The following COL15A1 variants were observed in gnomAD, a reference collection of about 807,000 sequenced individuals.
COL15A1 encodes collagen alpha-1(XV) chain.
COL15A1 carries 111 observed loss-of-function variants against 165.9 expected under a neutral mutation model. The observed-to-expected ratio is 0.67, with a 90% CI of 0.57 to 0.78. COL15A1 has a LOEUF of 0.78. Ranked by LOEUF, COL15A1 falls within the 30% of genes least tolerant of loss-of-function variation. The pLI is 0.00. For synonymous variants in COL15A1, 659 were observed against 674.8 expected (o/e 0.98, Z 0.36); for missense variants, 1,745 against 1,789.7 (o/e 0.98, Z 0.45).
intron 7 of COL15A1, among the ~76,000 whole-genome samples, chr9:99,002,729 C>T (rs1255033063): frequency 1.3e-5 from 2 of 152,178 alleles, no homozygotes; most frequent in Non-Finnish European, 2.9e-5. Flanking sequence ...GAAAAAGGGG[C>T]TCTGTGGTCA....
rs571106902 is a variant in COL15A1, at chr9:99,019,597, ACT to A, written c.1648-789_1648-788del. 6.7e-3 allele frequency among the ~76,000 whole-genome samples: 1,013 copies of A among 150,702 alleles called. 9 individuals are homozygous for A. The highest frequency in any genetic ancestry group is 0.041 in the Middle Eastern group (12 of 292). On this transcript the variant is annotated intron_variant, in intron 11 of 41. Transcript: ENST00000375001. ...CCAGGCATGCTATACTGCCATGGTG[ACT>A]CTAGGTCAGTTTGAATCTCAGAGTC...
chr9:99,022,136 C>T lies in COL15A1; in HGVS notation c.1747C>T (p.Pro583Ser). 1 of 1,614,128 alleles carries T rather than the reference C, an allele frequency of 6.2e-7. No homozygotes were observed. Among genetic ancestry groups the T allele is most frequent in the Non-Finnish European group, 8.5e-7 (1 of 1,179,990 alleles). Residue 583 changes from proline to serine, a missense_variant, in exon 13 of 42, where the codon CCT becomes TCT. Pro to Ser is a moderately conservative substitution (Grantham distance 74). Transcript: ENST00000375001. ...ELPGPPEPSG[P>S]VGPTAGAEAE... The stretch of plus-strand genomic sequence containing the variant: ...TCCTGGCCCTCCTGAACCTTCTGGG[C>T]CTGTTGGACCCACGGTGAGATTCCC...
rs1564093553 is a variant in COL15A1 at position 99,060,247 on chromosome 9, TA to T, written c.3402+295del. On this transcript the variant is annotated intron_variant, in intron 36 of 41. Coordinates refer to ENST00000375001, the MANE Select transcript of COL15A1 (RefSeq NM_001855.5). The stretch of plus-strand genomic sequence containing the variant: ...ACTTATATATTTTTATATATATATA[TA>T]TATATATATTTTTTTTTTGCTGGAT... 4.8e-5 allele frequency among the ~76,000 whole-genome samples: 6 copies of T among 125,032 alleles called. 1 individual carries two copies. In the South Asian group the frequency reaches 9.1e-4, roughly 19 times the overall value. The allele number at this position is 125,032 out of a possible 152,430, so 82.0% of individuals were successfully genotyped here. A position where few individuals can be genotyped will look rare whatever the true frequency, so the allele number is the denominator to read the frequency against.
intron 28 of COL15A1, among the ~76,000 whole-genome samples, chr9:99,048,299 C>T (rs1839527504): frequency 6.6e-6 from 1 of 152,086 alleles, no homozygotes; most frequent in African/African-American, 2.4e-5. Flanking sequence ...GCCTCTAACT[C>T]TAGGGTAATG....
chr9:99,055,444 G>GCCCTAACT, intron 34 of COL15A1, 72 bp downstream of exon 34: 2 of 863,556 alleles, frequency 2.3e-6, no homozygotes, highest in Non-Finnish European at 3.9e-6. Flanking sequence ...AATGGGACTA[G>GCCCTAACT]GCAGTTAGGG....
chr9:99,066,539 G>A (rs1286571565), intron 39 of COL15A1, among the ~76,000 whole-genome samples: 1 of 150,678 alleles, frequency 6.6e-6, no homozygotes, highest in Non-Finnish European at 1.5e-5. Context: ...TGGCCTGCAG[G>A]TGGATTCCGA....
In COL15A1 at chr9:98,998,458, C is replaced by G. The variant is rs142897664; in HGVS notation, c.952+1377C>G. 8.4e-3 allele frequency among the ~76,000 whole-genome samples: 1,284 copies of G among 152,250 alleles called. 9 individuals are homozygous for G. The highest frequency in any genetic ancestry group is 0.014 in the Non-Finnish European group (977 of 68,014). ...AGGGTGTTGCTGTGGAAATACTGCC[C>G]GCTGGGGAGAGTCAGACAGCTTGGA... On this transcript the variant is annotated intron_variant, in intron 6 of 41. Transcript: ENST00000375001.
chr9:99,009,319 T>C (rs746858743), intron 9 of COL15A1, among the ~76,000 whole-genome samples: 8 of 152,252 alleles, frequency 5.3e-5, no homozygotes, highest in Non-Finnish European at 1.2e-4. Flanking sequence ...TTACTACTGA[T>C]AAAATATGCT....
Position 99,070,138 on chromosome 9 carries a change from T to A in COL15A1, c.*252T>A. 2.5e-6 allele frequency: 1 copy of A among 405,834 alleles called. No individual in the cohort carries two copies. Among genetic ancestry groups the A allele is most frequent in the East Asian group, 4.4e-5 (1 of 22,618 alleles). 25.1% of individuals were successfully genotyped at this position (405,834 alleles called of 1,614,324 possible). Reference sequence around the variant, plus strand: ...AGGAAACCCCAGCAGTGTGAACGCATCCCAACATAGGTTAAGAGCAAGTTG... The same window carrying A: ...AGGAAACCCCAGCAGTGTGAACGCAACCCAACATAGGTTAAGAGCAAGTTG... On this transcript the variant is annotated 3_prime_UTR_variant, in exon 42 of 42. Coordinates refer to ENST00000375001, the MANE Select transcript of COL15A1 (RefSeq NM_001855.5).
chr9:98,957,480 G>A (rs957238063), intron 2 of COL15A1, among the ~76,000 whole-genome samples: 1 of 152,166 alleles, frequency 6.6e-6, no homozygotes, highest in African/African-American at 2.4e-5. Flanking sequence ...AGCAGCATTG[G>A]AAGATAAATA....
chr9:98,995,501 C>T lies in COL15A1; in HGVS notation c.805-1433C>T, dbSNP rs7862609. ...GGGTTCAAGCCCATTCTTCTCCCCA[C>T]AGAACCAGCTCCTCCCTCTGCCTGC... On this transcript the variant is annotated intron_variant, in intron 5 of 41. Transcript: ENST00000375001. Among the ~76,000 whole-genome samples, 913 of 152,326 alleles carry T rather than the reference C, an allele frequency of 6.0e-3. 4 individuals carry two copies. Among genetic ancestry groups the T allele is most frequent in the African/African-American group, 0.02 (828 of 41,580 alleles).
At chr9:98,968,299 C>T (rs1321623777) in intron 2 of COL15A1, among the ~76,000 whole-genome samples, 3 of 152,224 alleles carry the variant, frequency 2.0e-5, no homozygotes, top group Admixed American at 6.5e-5. Flanking sequence ...CGGTAACAAA[C>T]GACCACAAAC....
At chr9:99,011,398 C>T (rs1349650981) in intron 9 of COL15A1, among the ~76,000 whole-genome samples, 3 of 118,508 alleles carry the variant, frequency 2.5e-5, no homozygotes, top group African/African-American at 3.6e-5. Flanking sequence ...CTGAGCATCC[C>T]TCTTTCTGAA....
At chr9:98,999,989 G>T (rs922046807) in intron 6 of COL15A1, among the ~76,000 whole-genome samples, 1 of 151,876 alleles carries the variant, frequency 6.6e-6, no homozygotes, top group Non-Finnish European at 1.5e-5. Flanking sequence ...TCCTGCCTTG[G>T]CCTCCCAAGT....
chr9:99,047,871 G>A (rs201547786), intron 27 of COL15A1, 32 bp downstream of exon 27: 2 of 1,612,910 alleles, frequency 1.2e-6, no homozygotes, highest in Non-Finnish European at 1.7e-6. Context: ...ACAGGCTGGA[G>A]GGGGAGGACA....
chr9:99,027,384 A>G (rs950901693), intron 16 of COL15A1, among the ~76,000 whole-genome samples: 3 of 152,246 alleles, frequency 2.0e-5, no homozygotes, highest in Non-Finnish European at 4.4e-5. Context: ...AATTGGAACC[A>G]TAACTCAATT....
Position 98,985,925 on chromosome 9 carries a change from T to C in COL15A1, c.461T>C (p.Val154Ala). Residue 154 changes from valine (V) to alanine (A), a missense_variant, in exon 3 of 42, where the codon GTG (valine) becomes GCG (alanine). Transcript: ENST00000375001. ...HVSQEAAAFSVPVMTHRWNRF... is the reference protein window; with the variant it reads ...HVSQEAAAFSAPVMTHRWNRF... ...TCCCAAGAGGCTGCTGCCTTCTCGG[T>C]GCCTGTGATGACCCACAGGTGGAAC... The C allele has an allele frequency of 6.2e-7, 1 of 1,613,964 alleles. No individual in the cohort carries two copies. Among genetic ancestry groups the C allele is most frequent in the Non-Finnish European group, 8.5e-7 (1 of 1,180,018 alleles).
intron 2 of COL15A1, among the ~76,000 whole-genome samples, chr9:98,950,178 G>A (rs1017556429): frequency 3.9e-5 from 6 of 151,966 alleles, no homozygotes; most frequent in African/African-American, 1.5e-4. Flanking sequence ...GATGCTTGAC[G>A]GCCTGTTTCT....
At position 99,059,919 on chromosome 9, in the gene COL15A1, C is replaced by T; in HGVS notation, c.3368C>T (p.Pro1123Leu). ...GCCCTTCCAGGTCCCCCTGGCCCTC[C>T]AGGACAGCCAGGGCTTCCCGGATCC... ...AVALPGPPGP[P>L]GQPGLPGSRN... The change falls in exon 36 of 42, where the codon CCA becomes CTA. Residue 1123 changes from proline to leucine, a missense_variant. Physicochemically the swap from Pro to Leu is moderately conservative, Grantham distance 98. Transcript: ENST00000375001. 6.2e-7 allele frequency: 1 copy of T among 1,614,010 alleles called. No individual in the cohort carries two copies. The highest frequency in any genetic ancestry group is 8.5e-7 in the Non-Finnish European group (1 of 1,179,954).
Sources: allele counts gnomAD v4.1 joint callset (sites outside exome capture counted in the v4.1 genomes callset), GRCh38; gene constraint gnomAD v4.1.1; transcripts MANE v1.5; gene names NCBI Gene and HGNC (gene_info 2026-07-23, HGNC 2026-07-21).